The following C8B variants were observed in gnomAD, a reference collection of about 807,000 sequenced individuals.
The protein encoded by C8B is complement C8 beta chain.
In C8B, 67 loss-of-function variants were observed where a neutral mutation model predicts 64.6. The ratio of observed to expected loss-of-function variants is 1.04; its 90% CI spans 0.85 to 1.27. The LOEUF (loss-of-function observed/expected upper bound fraction) is 1.27. C8B is among the 50% of genes most tolerant of loss of function. The pLI is 0.00. For synonymous variants in C8B, 284 were observed against 257.7 expected (o/e 1.10, Z -0.98); for missense variants, 790 against 725.2 (o/e 1.09, Z -1.03).
At chr1:56,960,471 A>G (rs112199367) in intron 1 of C8B, among the ~76,000 whole-genome samples, 5,407 of 152,318 alleles carry the variant, frequency 0.035, 284 homozygotes, top group African/African-American at 0.12. Flanking sequence ...AGAGAAACAT[A>G]TCTGTGAGAA....
At chr1:56,949,116 C>G (rs1010921306) in intron 6 of C8B, among the ~76,000 whole-genome samples, 7 of 151,874 alleles carry the variant, frequency 4.6e-5, no homozygotes, top group Non-Finnish European at 7.4e-5. Flanking sequence ...TCCAAAGGAT[C>G]CATATGCTAT....
chr1:56,940,853 A>G lies in C8B; in HGVS notation c.1394T>C (p.Val465Ala). ...GGGTAGAGCAGCGTTGTGTACCTTA[A>G]CTTTGATGATGGCTGGGTTGTACTG... ...AVQYNPAIIK[V>A]KVEPLYELVT... The change falls in exon 9 of 12, where the codon GTT (valine) becomes GCT (alanine). Residue 465 changes from valine (V) to alanine (A), a missense_variant. Physicochemically the swap from Val to Ala is moderately conservative, Grantham distance 64. Transcript: ENST00000371237. The G allele has an allele frequency of 6.2e-7, 1 of 1,613,920 alleles. No individual in the cohort carries two copies. Among genetic ancestry groups the G allele is most frequent in the Non-Finnish European group, 8.5e-7 (1 of 1,179,970 alleles).
intron 9 of C8B, among the ~76,000 whole-genome samples, chr1:56,936,403 G>T (rs1341852219): frequency 6.6e-6 from 1 of 151,782 alleles, no homozygotes; most frequent in Non-Finnish European, 1.5e-5. Flanking sequence ...GACTACAGAA[G>T]TTAAACATTT....
chr1:56,943,700 T>C lies in C8B; in HGVS notation c.1230A>G (p.Ile410Met). ...TCACAAGCCCCTGTCACTCACCTTT[T>C]ATTTCATTCAGAATACCTCTGCATT... Reference protein sequence around the residue: ...VGKCRGILNEIKDRNKRDTMV... With the variant: ...VGKCRGILNEMKDRNKRDTMV... The change falls in exon 8 of 12, where the codon ATA becomes ATG. Residue 410 changes from isoleucine (I) to methionine (M), a missense_variant. By Grantham distance (10) the Ile-to-Met change is conservative. Transcript: ENST00000371237. The C allele has an allele frequency of 6.2e-7, 1 of 1,614,050 alleles. No homozygotes were observed. Among genetic ancestry groups the C allele is most frequent in the Non-Finnish European group, 8.5e-7 (1 of 1,179,958 alleles).
intron 9 of C8B, among the ~76,000 whole-genome samples, chr1:56,937,419 G>GT (rs968077177): frequency 2.6e-5 from 4 of 152,162 alleles, no homozygotes; most frequent in African/African-American, 9.7e-5. Context: ...AAATGTGGAG[G>GT]TTGTTTCTCT....
chr1:56,935,113 T>C (rs1451384650), intron 9 of C8B, among the ~76,000 whole-genome samples: 1 of 152,206 alleles, frequency 6.6e-6, no homozygotes, highest in East Asian at 1.9e-4. Context: ...AATTCATATA[T>C]GGTATTACCA....
chr1:56,934,982 T>C (rs964040704), intron 9 of C8B, among the ~76,000 whole-genome samples: 1 of 152,202 alleles, frequency 6.6e-6, no homozygotes, highest in Non-Finnish European at 1.5e-5. Flanking sequence ...AAACCTTCCA[T>C]ATATACTGTG....
At chr1:56,962,818 C>A (rs531788469) in intron 1 of C8B, among the ~76,000 whole-genome samples, 1 of 152,290 alleles carries the variant, frequency 6.6e-6, no homozygotes, top group South Asian at 2.1e-4. Context: ...AATTTGATGT[C>A]TATACACTAT....
chr1:56,956,985 T>C (rs1645113681), intron 2 of C8B, 75 bp from the exon 3 acceptor site: 2 of 1,561,436 alleles, frequency 1.3e-6, no homozygotes, highest in South Asian at 2.2e-5. Context: ...TCTGTGTAAA[T>C]GGGTCTTGAG....
intron 6 of C8B, among the ~76,000 whole-genome samples, chr1:56,948,417 T>C (rs1477240024): frequency 2.0e-5 from 3 of 152,140 alleles, no homozygotes; most frequent in African/African-American, 7.2e-5. Context: ...GCTCAGTTCT[T>C]AGCCTGGAAA....
chr1:56,958,515 G>T (rs1038908510), intron 2 of C8B, among the ~76,000 whole-genome samples: 1 of 152,014 alleles, frequency 6.6e-6, no homozygotes, highest in African/African-American at 2.4e-5. Flanking sequence ...AGACTAAAAA[G>T]CTCCAGGCTC....
chr1:56,949,476 A>G (rs1644988698), intron 6 of C8B, 79 bp downstream of exon 6: 1 of 1,267,580 alleles, frequency 7.9e-7, no homozygotes, highest in East Asian at 2.3e-5. Context: ...TAAATCATCC[A>G]TTCTGTGGTG....
At chr1:56,936,338 G>C (rs1399088150) in intron 9 of C8B, among the ~76,000 whole-genome samples, 1 of 152,122 alleles carries the variant, frequency 6.6e-6, no homozygotes, top group East Asian at 1.9e-4. Context: ...TTCAATCACT[G>C]TCCCTTTAAT....
In C8B at chr1:56,962,730, G is replaced by A. The variant is rs182071262; in HGVS notation, c.93-2554C>T. Among the ~76,000 whole-genome samples the A allele has an allele frequency of 1.6e-3, 247 of 152,244 alleles. 7 individuals carry two copies. The South Asian group carries it at 0.032, about 19-fold the overall frequency. ...GACATCTGCATTTTACAGCAGCCTC[G>A]ATTTTGCTCCCCCCACCTTACCCCC... On this transcript the variant is annotated intron_variant, in intron 1 of 11. Transcript: ENST00000371237.
intron 4 of C8B, among the ~76,000 whole-genome samples, chr1:56,954,437 C>G (rs1359066894): frequency 6.6e-6 from 1 of 152,222 alleles, no homozygotes; most frequent in Non-Finnish European, 1.5e-5. Flanking sequence ...GTGGTTTCCA[C>G]ACATGCACAG....
intron 11 of C8B, among the ~76,000 whole-genome samples, chr1:56,930,669 A>T (rs1644688020): frequency 6.6e-6 from 1 of 152,184 alleles, no homozygotes; most frequent in South Asian, 2.1e-4. Context: ...TAATTGTGTG[A>T]CTATTGGGTA....
At chr1:56,945,056 A>G (rs957868509) in intron 7 of C8B, among the ~76,000 whole-genome samples, 1 of 152,184 alleles carries the variant, frequency 6.6e-6, no homozygotes, top group African/African-American at 2.4e-5. Context: ...AGACCTTGCT[A>G]TGTAAAGTAT....
At chr1:56,949,812 G>C (rs1644994999) in intron 5 of C8B, 60 bp from the exon 6 acceptor site, 8 of 1,183,508 alleles carry the variant, frequency 6.8e-6, no homozygotes, top group African/African-American at 1.5e-5. Flanking sequence ...TTCAATACCA[G>C]TGAGCAGACA....
intron 5 of C8B, 68 bp from the exon 6 acceptor site, chr1:56,949,820 A>T (rs750138209): frequency 7.5e-4 from 796 of 1,055,052 alleles, no homozygotes; most frequent in Non-Finnish European, 1.0e-3. Context: ...CAGTGAGCAG[A>T]CAGCCACTCT....
Sources: gnomAD v4.1 joint callset for allele counts (sites outside exome capture counted in the v4.1 genomes callset) on GRCh38, gnomAD v4.1.1 for gene constraint, MANE v1.5 for transcripts, NCBI Gene and HGNC (gene_info 2026-07-23, HGNC 2026-07-21) for gene names.